The following EPHB4 variants were observed in gnomAD, a reference collection of about 807,000 sequenced individuals.
EPHB4 encodes the protein ephrin type-B receptor 4.
In EPHB4, 50 loss-of-function variants were observed where a neutral mutation model predicts 110.6. That is an observed-to-expected ratio of 0.45 (90% CI 0.36 to 0.57). The LOEUF (loss-of-function observed/expected upper bound fraction) is 0.57. EPHB4 is among the 20% of genes least tolerant of loss of function. EPHB4 has a pLI of 0.00. For missense variants in EPHB4, 1,128 were observed against 1,382.1 expected (o/e 0.82, Z 2.91); for synonymous variants, 592 against 578.4 (o/e 1.02, Z -0.34).
Position 100,806,547 on chromosome 7 carries a change from C to A in EPHB4, c.2357G>T (p.Trp786Leu). Reference sequence around the variant, plus strand: ...GAAGGCAATGGCCTCCGGGGCAGTCCATCGGATGGGAATCTTTCCTCCCTG... The same window carrying A: ...GAAGGCAATGGCCTCCGGGGCAGTCAATCGGATGGGAATCTTTCCTCCCTG... ...SSLGGKIPIR[W>L]TAPEAIAFRK... The change falls in exon 14 of 17, where the codon TGG (tryptophan) becomes TTG (leucine). Residue 786 changes from tryptophan (W) to leucine (L), a missense_variant. Transcript: ENST00000358173. 1 of 1,613,888 alleles carries A rather than the reference C, an allele frequency of 6.2e-7. No homozygotes were observed. Among genetic ancestry groups the A allele is most frequent in the South Asian group, 1.1e-5 (1 of 91,056 alleles).
At position 100,802,829 on chromosome 7, in the gene EPHB4, G is replaced by A. The variant is rs1310054270; in HGVS notation, c.*632C>T. On this transcript the variant is annotated 3_prime_UTR_variant, in exon 17 of 17. Coordinates refer to ENST00000358173, the MANE Select transcript of EPHB4 (RefSeq NM_004444.5). ...CCCTGTTTCAACTTGGGCAAAGGAG[G>A]CCATAGTGAAACAGGTTCCCTCCAA... 5.3e-5 allele frequency: 8 copies of A among 152,164 alleles called. No individual in the cohort carries two copies. Among genetic ancestry groups the A allele is most frequent in the Admixed American group, 3.9e-4 (6 of 15,260 alleles). 9.4% of individuals were successfully genotyped at this position (152,164 alleles called of 1,614,324 possible).
In EPHB4 at chr7:100,813,911, G is replaced by C; in HGVS notation, c.1691+8C>G. ...CTTCCAGGGGCCTCTGGGTGTCAGAGCCCTTACCTGAGGCAGAGAACTGCG... is the reference window on the plus strand; with the variant it reads ...CTTCCAGGGGCCTCTGGGTGTCAGACCCCTTACCTGAGGCAGAGAACTGCG... On this transcript the variant is annotated splice_region_variant and intron_variant, in intron 9 of 16. Coordinates refer to ENST00000358173, the MANE Select transcript of EPHB4 (RefSeq NM_004444.5). The C allele has an allele frequency of 3.1e-6, 5 of 1,614,018 alleles. No individual in the cohort carries two copies. The highest frequency in any genetic ancestry group is 3.4e-6 in the Non-Finnish European group (4 of 1,179,948).
At chr7:100,806,712 C>G in intron 13 of EPHB4, 143 bp from the exon 14 acceptor site, 1 of 1,040,656 alleles carries the variant, frequency 9.6e-7, no homozygotes, top group Non-Finnish European at 1.4e-6. Flanking sequence ...ACTCTGTTTG[C>G]CCAGGTTGGA....
chr7:100,823,529 G>A, intron 3 of EPHB4, 115 bp downstream of exon 3: 2 of 1,359,646 alleles, frequency 1.5e-6, no homozygotes, highest in East Asian at 2.4e-5. Flanking sequence ...CCTGCTTCCA[G>A]CCCCCAGCGC....
chr7:100,824,007 G>A lies in EPHB4; in HGVS notation c.124-76C>T, dbSNP rs1562974595. On this transcript the variant is annotated intron_variant, in intron 2 of 16. Transcript: ENST00000358173. ...GGCTGCATGGGGTGAATCCTATAAA[G>A]TGAGAGGGACTGAGAAAGGGGGGCT... is the stretch of plus-strand genomic sequence containing the variant. 4.0e-6 allele frequency: 6 copies of A among 1,514,566 alleles called. No individual in the cohort carries two copies. In the East Asian group the frequency reaches 1.2e-4, roughly 31 times the overall value. The allele number at this position is 1,514,566 out of a possible 1,614,324, so 93.8% of individuals were successfully genotyped here.
At chr7:100,806,203 G>T in intron 14 of EPHB4, 1 of 419,060 alleles carries the variant, frequency 2.4e-6, no homozygotes. Flanking sequence ...TAGGTGATCT[G>T]CCCACCTTGG....
chr7:100,818,719 T>C (rs1441554954), intron 6 of EPHB4, 75 bp from the exon 7 acceptor site: 12 of 1,489,278 alleles, frequency 8.1e-6, no homozygotes, highest in South Asian at 7.8e-5. Flanking sequence ...ATTTTTTTTT[T>C]CGAGACGGAG....
Position 100,812,851 on chromosome 7 carries a change from C to T in EPHB4, c.2014G>A (p.Glu672Lys), listed in dbSNP as rs1037211200. ...TCCAGGCGGATGATATTGGGGTGCTCGAACTGGCCCATGATGGAGGCCTCG... is the reference window on the plus strand; with the variant it reads ...TCCAGGCGGATGATATTGGGGTGCTTGAACTGGCCCATGATGGAGGCCTCG... ...LSEASIMGQF[E>K]HPNIIRLEGV... The change falls in exon 12 of 17, where the codon GAG (glutamate) becomes AAG (lysine). Residue 672 changes from glutamate to lysine, a missense_variant. Physicochemically the swap from Glu to Lys is moderately conservative, Grantham distance 56. Around this residue, in one of 3 missense-constraint regions of EPHB4, gnomAD observed 191 missense variants for 313.0 expected, o/e 0.61. Coordinates refer to ENST00000358173, the MANE Select transcript of EPHB4 (RefSeq NM_004444.5). 6 of 1,614,118 alleles carry T rather than the reference C, an allele frequency of 3.7e-6. No individual in the cohort carries two copies. The highest frequency in any genetic ancestry group is 1.1e-5 in the South Asian group (1 of 91,090).
chr7:100,824,264 A>C lies in EPHB4; in HGVS notation c.62T>G (p.Leu21Arg). The C allele has an allele frequency of 6.2e-7, 1 of 1,613,980 alleles. No homozygotes were observed. Among genetic ancestry groups the C allele is most frequent in the Non-Finnish European group, 8.5e-7 (1 of 1,179,988 alleles). Residue 21 changes from leucine to arginine, a missense_variant, in exon 2 of 17, where the codon CTG (leucine) becomes CGG (arginine). Leu to Arg is a moderately radical substitution (Grantham distance 102). Coordinates refer to ENST00000358173, the MANE Select transcript of EPHB4 (RefSeq NM_004444.5). ...ATCAGCAGTTTCCAATTTTGTGTTCAGCAGGGTCTCTGAGACAGACAGAGA... is the reference window on the plus strand; with the variant it reads ...ATCAGCAGTTTCCAATTTTGTGTTCCGCAGGGTCTCTGAGACAGACAGAGA... ...SLAAALEETLLNTKLETADLK... is the reference protein window; with the variant it reads ...SLAAALEETLRNTKLETADLK...
Position 100,807,513 on chromosome 7 carries a change from C to G in EPHB4, c.2186G>C (p.Arg729Pro). The G allele has an allele frequency of 6.2e-7, 1 of 1,614,050 alleles. No individual in the cohort carries two copies. The highest frequency in any genetic ancestry group is 8.5e-7 in the Non-Finnish European group (1 of 1,180,008). ...GMLRGIASGMRYLAEMSYVHR... is the reference protein window; with the variant it reads ...GMLRGIASGMPYLAEMSYVHR... ...GACGTAGCTCATCTCGGCAAGGTAC[C>G]GCATGCCCGAGGCGATGCCCCGCAG... Residue 729 changes from arginine (R) to proline (P), a missense_variant, in exon 13 of 17, where the codon CGG (arginine) becomes CCG (proline). Physicochemically the swap from Arg to Pro is moderately radical, Grantham distance 103. Transcript: ENST00000358173.
intron 7 of EPHB4, among the ~76,000 whole-genome samples, chr7:100,817,968 G>A (rs1263152937): frequency 3.8e-5 from 5 of 130,580 alleles, no homozygotes; most frequent in African/African-American, 8.4e-5. Flanking sequence ...CTGGGTTCAC[G>A]CCATTCTCCT....
At chr7:100,804,130 G>A (rs1812760224) in intron 16 of EPHB4, among the ~76,000 whole-genome samples, 1 of 152,132 alleles carries the variant, frequency 6.6e-6, no homozygotes, top group Admixed American at 6.6e-5. Context: ...CTGAGTAGCT[G>A]GGACCACAGG....
At position 100,803,557 on chromosome 7, in the gene EPHB4, T is replaced by C; in HGVS notation, c.2868A>G (p.Gly956=). The change falls in exon 17 of 17, where the codon GGA becomes GGG. Residue 956 remains glycine (G), a synonymous_variant. Coordinates refer to ENST00000358173, the MANE Select transcript of EPHB4 (RefSeq NM_004444.5). The part of the protein sequence containing the change: ...DLLRIGVTLA[G]HQKKILASVQ... Reference sequence around the variant, plus strand: ...CACTGGCCAAGATTTTCTTCTGGTGTCCCGCCAGAGTGACTCCGATTCGGA... The same window carrying C: ...CACTGGCCAAGATTTTCTTCTGGTGCCCCGCCAGAGTGACTCCGATTCGGA... The C allele has an allele frequency of 3.1e-6, 5 of 1,605,580 alleles. No homozygotes were observed. The highest frequency in any genetic ancestry group is 4.3e-6 in the Non-Finnish European group (5 of 1,175,586).
chr7:100,805,603 T>C lies in EPHB4; in HGVS notation c.2576A>G (p.Lys859Arg), dbSNP rs1584652989. ...GAAGCGGGGCCGGGCATTCCGGTCT[T>C]TCTGCCAACAGTCCAGCATGAGCTG... is the stretch of plus-strand genomic sequence containing the variant. ...LHQLMLDCWQ[K>R]DRNARPRFPQ... The change falls in exon 15 of 17, where the codon AAA (lysine) becomes AGA (arginine). Residue 859 changes from lysine (K) to arginine (R), a missense_variant. Transcript: ENST00000358173. The C allele has an allele frequency of 2.6e-6, 4 of 1,562,498 alleles. No homozygotes were observed. The highest frequency in any genetic ancestry group is 2.6e-6 in the Non-Finnish European group (3 of 1,155,674).
rs542686005 is a variant in EPHB4, at chr7:100,822,409, C to T, written c.670G>A (p.Val224Met). 63 of 1,586,004 alleles carry T rather than the reference C, an allele frequency of 4.0e-5. No homozygotes were observed. Among genetic ancestry groups the T allele is most frequent in the Middle Eastern group, 1.7e-4 (1 of 6,016 alleles). ...ELVVPVAGSC[V>M]VDAVPAPGPS... is the part of the protein sequence containing the mutation. ...CCAGGGGCGGGGACGGCATCCACCA[C>T]GCAGCTACCGGCCACGGGCACAACC... Residue 224 changes from valine to methionine, a missense_variant, in exon 4 of 17, where the codon GTG becomes ATG. Coordinates refer to ENST00000358173, the MANE Select transcript of EPHB4 (RefSeq NM_004444.5). This position sits in a 1 kb window ranked among gnomAD's most constrained non-coding sequence, Gnocchi z 4.7.
In EPHB4 at chr7:100,805,547, T is replaced by G. The variant is rs1474196596; in HGVS notation, c.2632A>C (p.Ile878Leu). The change falls in exon 15 of 17, where the codon ATC (isoleucine) becomes CTC (leucine). Residue 878 changes from isoleucine (I) to leucine (L), a missense_variant. By Grantham distance (5) the Ile-to-Leu change is conservative. Coordinates refer to ENST00000358173, the MANE Select transcript of EPHB4 (RefSeq NM_004444.5). The part of the protein sequence containing the change: ...PQVVSALDKM[I>L]RNPASLKIVA... ...ATTTTGAGGCTGGCGGGGTTCCGGA[T>G]CATCTTGTCCAGGGCGCTGACCACC... is the stretch of plus-strand genomic sequence containing the variant. 1.3e-6 allele frequency: 2 copies of G among 1,530,414 alleles called. No individual in the cohort carries two copies. Among genetic ancestry groups the G allele is most frequent in the Admixed American group, 4.3e-5 (2 of 46,240 alleles). 94.8% of individuals were successfully genotyped at this position (1,530,414 alleles called of 1,614,324 possible). A position where few individuals can be genotyped will look rare whatever the true frequency, so the allele number is the denominator to read the frequency against.
At chr7:100,813,306 G>GTTTTTTTTT in intron 10 of EPHB4, 98 bp from the exon 11 acceptor site, 7 of 385,620 alleles carry the variant, frequency 1.8e-5, no homozygotes, top group South Asian at 1.1e-4. Flanking sequence ...TGTCTCCGTG[G>GTTTTTTTTT]TTTTTTTTTT....
Position 100,820,218 on chromosome 7 carries a change from GTGT to G in EPHB4, c.884_886del (p.Asn295del). The G allele has an allele frequency of 6.2e-7, 1 of 1,614,180 alleles. No individual in the cohort carries two copies. ...GCACTGGCAGACGGCTGATCCAATGGTGTTAGAGTGGCTATTGGCTGGGCATGG... is the reference window on the plus strand; with the variant it reads ...GCACTGGCAGACGGCTGATCCAATGGTAGAGTGGCTATTGGCTGGGCATGG... On this transcript the variant is annotated inframe_deletion, in exon 5 of 17. Transcript: ENST00000358173.
Position 100,817,207 on chromosome 7 carries a change from G to A in EPHB4, c.1573C>T (p.Gln525Ter). Residue 525 changes from glutamine to a stop codon, truncating the protein, a stop_gained, in exon 8 of 17, where the codon CAG becomes TAG. Coordinates refer to ENST00000358173, the MANE Select transcript of EPHB4 (RefSeq NM_004444.5). LOFTEE classifies it high-confidence loss of function. ...YGPFGQEHHS[Q>*]TQLDESEGWR... The stretch of plus-strand genomic sequence containing the variant: ...CCAGGCTCACCATCCAGTTGGGTCT[G>A]GCTGTGATGTTCCTGGCCGAAGGGC... 1 of 1,578,904 alleles carries A rather than the reference G, an allele frequency of 6.3e-7. No individual in the cohort carries two copies.
Sources: gnomAD v4.1 joint callset for allele counts (sites outside exome capture counted in the v4.1 genomes callset) on GRCh38, gnomAD v4.1.1 for gene constraint, gnomAD v4.1.1 regional missense constraint, Gnocchi (gnomAD v3.1) non-coding constraint, MANE v1.5 for transcripts, NCBI Gene and HGNC (gene_info 2026-07-23, HGNC 2026-07-21) for gene names.